RBFOX1: variants seen among roughly 807,000 people sequenced by gnomAD.
The protein encoded by RBFOX1 is RNA binding fox-1 homolog 1, also known as RNA binding protein fox-1 homolog 1.
Under a neutral mutation model 57.7 loss-of-function variants are expected in RBFOX1, and 8 were observed. The ratio of observed to expected loss-of-function variants is 0.14; its 90% CI spans 0.08 to 0.25. The LOEUF (loss-of-function observed/expected upper bound fraction) is 0.25. Among genes scored for constraint, RBFOX1 ranks in the 10% least tolerant of loss-of-function variants. The pLI is 1.00. For missense variants in RBFOX1, 611 were observed against 548.5 expected, an observed-to-expected ratio of 1.11 and a Z score of -1.14; for synonymous variants, 326 against 222.4, an observed-to-expected ratio of 1.47 and a Z score of -4.15.
intron 3 of RBFOX1, among the ~76,000 whole-genome samples, chr16:6,876,944 G>C (rs12925134): frequency 6.6e-6 from 1 of 151,834 alleles, no homozygotes; most frequent in South Asian, 2.1e-4. Flanking sequence ...AAGTTTCTCA[G>C]TATTTATGGA....
Position 7,339,986 on chromosome 16 carries a change from TCTC to T in RBFOX1, c.28-178158_28-178156del, listed in dbSNP as rs570999736. On this transcript the variant is annotated intron_variant, in intron 4 of 15. Coordinates refer to ENST00000550418, the MANE Select transcript of RBFOX1 (RefSeq NM_018723.4). ...TTGGCAACTCCAAGCTTACATCTCA[TCTC>T]CTTTTAGAAATTCTCTTCCCAACTA... Among the ~76,000 whole-genome samples, 278 of 152,296 alleles carry T rather than the reference TCTC, an allele frequency of 1.8e-3. 3 individuals carry two copies. The highest frequency in any genetic ancestry group is 6.5e-3 in the African/African-American group (269 of 41,570).
At chr16:5,490,871 C>A (rs1232625453) in intron 2 of RBFOX1, among the ~76,000 whole-genome samples, 4 of 152,142 alleles carry the variant, frequency 2.6e-5, no homozygotes, top group African/African-American at 4.8e-5. Context: ...CTCTTAACAA[C>A]AAGGATACGT....
At chr16:6,206,123 C>T (rs1010644848) in intron 1 of RBFOX1, among the ~76,000 whole-genome samples, 3 of 152,044 alleles carry the variant, frequency 2.0e-5, no homozygotes, top group Admixed American at 1.3e-4. Flanking sequence ...AGGCACAGGT[C>T]AAATCTGACT....
chr16:5,565,902 T>C (rs13336680), intron 2 of RBFOX1, among the ~76,000 whole-genome samples: 49,845 of 151,814 alleles, frequency 0.33, 9,426 homozygotes, highest in African/African-American at 0.53. Flanking sequence ...ATAATTCCCA[T>C]GTGTTGTGGG....
intron 3 of RBFOX1, among the ~76,000 whole-genome samples, chr16:5,816,218 G>C (rs1399960316): frequency 6.6e-6 from 1 of 152,182 alleles, no homozygotes; most frequent in Admixed American, 6.5e-5. Context: ...GAGGCACTGG[G>C]ATTTCAGAAG....
intron 2 of RBFOX1, among the ~76,000 whole-genome samples, chr16:6,495,463 C>T (rs987473203): frequency 6.7e-6 from 1 of 149,840 alleles, no homozygotes. Context: ...TCCCCACTTT[C>T]GTAGATCGGT....
intron 1 of RBFOX1, among the ~76,000 whole-genome samples, chr16:5,303,331 A>G (rs1403062292): frequency 6.6e-6 from 1 of 152,166 alleles, no homozygotes; most frequent in African/African-American, 2.4e-5. Flanking sequence ...CAGGCAGAGG[A>G]TTATTTGCAG....
chr16:7,654,728 C>T (rs753625319), intron 12 of RBFOX1, among the ~76,000 whole-genome samples: 8 of 152,160 alleles, frequency 5.3e-5, no homozygotes, highest in Non-Finnish European at 8.8e-5. Context: ...AATATTCTTG[C>T]ACCTCTGCAG....
intron 2 of RBFOX1, among the ~76,000 whole-genome samples, chr16:6,544,948 G>T (rs942716144): frequency 6.6e-6 from 1 of 152,146 alleles, no homozygotes; most frequent in Non-Finnish European, 1.5e-5. Flanking sequence ...TCTTACAGAG[G>T]ATTAGGCAAA....
chr16:7,649,547 G>T (rs1426952677), intron 11 of RBFOX1, among the ~76,000 whole-genome samples: 1 of 151,956 alleles, frequency 6.6e-6, no homozygotes, highest in East Asian at 1.9e-4. Flanking sequence ...TAATGGTTGT[G>T]TTGCTTGCAT....
intron 14 of RBFOX1, among the ~76,000 whole-genome samples, chr16:7,706,094 G>A (rs192855648): frequency 3.4e-4 from 51 of 152,228 alleles, no homozygotes; most frequent in African/African-American, 1.0e-3. Context: ...GATTGCTGAC[G>A]TGCTTGGCAT....
intron 4 of RBFOX1, among the ~76,000 whole-genome samples, chr16:5,932,907 C>T (rs1298391595): frequency 6.6e-6 from 1 of 152,080 alleles, no homozygotes; most frequent in African/African-American, 2.4e-5. Flanking sequence ...CATTTCCCTT[C>T]CTGGCAAAGA....
chr16:7,407,373 G>GGTGGGT (rs1555860958), intron 4 of RBFOX1, among the ~76,000 whole-genome samples: 49 of 149,662 alleles, frequency 3.3e-4, no homozygotes, highest in South Asian at 2.1e-3. Flanking sequence ...GATTTGTATG[G>GGTGGGT]GTGTGTGTGT....
chr16:7,570,111 T>C (rs1450230132), intron 5 of RBFOX1, among the ~76,000 whole-genome samples: 1 of 151,576 alleles, frequency 6.6e-6, no homozygotes, highest in Non-Finnish European at 1.5e-5. Flanking sequence ...GATAGCATGT[T>C]GAAATAATAT....
At chr16:5,515,866 G>T (rs1024001590) in intron 2 of RBFOX1, among the ~76,000 whole-genome samples, 1 of 151,936 alleles carries the variant, frequency 6.6e-6, no homozygotes, top group Non-Finnish European at 1.5e-5. Flanking sequence ...AGGCCCTTTT[G>T]TGTGCATTTT....
chr16:6,733,516 T>C (rs151319744), intron 3 of RBFOX1, among the ~76,000 whole-genome samples: 32 of 152,310 alleles, frequency 2.1e-4, no homozygotes, highest in Non-Finnish European at 3.4e-4. Context: ...CTAGTCAACA[T>C]TTTTATAATG....
chr16:5,317,321 A>G (rs1042102615), intron 1 of RBFOX1, among the ~76,000 whole-genome samples: 1 of 152,180 alleles, frequency 6.6e-6, no homozygotes, highest in African/African-American at 2.4e-5. Flanking sequence ...ATAAAAACAC[A>G]TTCCTGGCCA....
At chr16:6,822,195 T>C (rs1313222550) in intron 3 of RBFOX1, among the ~76,000 whole-genome samples, 1 of 152,094 alleles carries the variant, frequency 6.6e-6, no homozygotes, top group African/African-American at 2.4e-5. Context: ...GAATGATGGA[T>C]GGTTGGATGA....
In RBFOX1 at chr16:6,540,900, G is replaced by A. The variant is rs577775625; in HGVS notation, c.-63-113703G>A. Among the ~76,000 whole-genome samples, 18 of 151,996 alleles carry A rather than the reference G, an allele frequency of 1.2e-4. 1 individual carries two copies. The highest frequency in any genetic ancestry group is 6.8e-3 in the Middle Eastern group (2 of 294). On this transcript the variant is annotated intron_variant, in intron 2 of 15. Coordinates refer to ENST00000550418, the MANE Select transcript of RBFOX1 (RefSeq NM_018723.4). ...TCCATTATAAATCCGTTAAAATGTC[G>A]TTTCTCTGACTTCTTGGAGTTGAGG... is the stretch of plus-strand genomic sequence containing the variant.
Sources: allele counts gnomAD v4.1 joint callset (sites outside exome capture counted in the v4.1 genomes callset), GRCh38; gene constraint gnomAD v4.1.1; transcripts MANE v1.5; gene names NCBI Gene and HGNC (gene_info 2026-07-23, HGNC 2026-07-21).